Variants in CDR2L observed in about 807,000 individuals in gnomAD.
CDR2L encodes the protein cerebellar degeneration-related protein 2-like.
Under a neutral mutation model 36.1 loss-of-function variants are expected in CDR2L, and 19 were observed. The ratio of observed to expected loss-of-function variants is 0.53; its 90% confidence interval spans 0.37 to 0.77. The LOEUF is 0.77. CDR2L is among the 30% of genes least tolerant of loss of function. The pLI is 0.00. For missense variants in CDR2L, 575 were observed against 627.2 expected (o/e 0.92, Z 0.89); for synonymous variants, 285 against 280.4 (o/e 1.02, Z -0.16).
At position 75,003,852 on chromosome 17, in the gene CDR2L, C is replaced by G; in HGVS notation, c.1176C>G (p.Ile392Met). 1 of 1,584,696 alleles carries G rather than the reference C, an allele frequency of 6.3e-7. No homozygotes were observed. The highest frequency in any genetic ancestry group is 8.6e-7 in the Non-Finnish European group (1 of 1,166,498). Residue 392 changes from isoleucine (I) to methionine (M), a missense_variant, in exon 5 of 5, where the codon ATC becomes ATG. Transcript: ENST00000337231. ...RHAGVQTSRP[I>M]SRDSSWRDLR... The stretch of plus-strand genomic sequence containing the variant: ...CCGGCGTGCAGACCTCGCGCCCCAT[C>G]TCCCGGGACAGCTCGTGGAGGGACC...
intron 1 of CDR2L, among the ~76,000 whole-genome samples, chr17:74,999,288 G>GCGCACA (rs201460506): frequency 6.9e-6 from 1 of 144,874 alleles, no homozygotes; most frequent in Non-Finnish European, 1.5e-5. Flanking sequence ...ATTACATCTT[G>GCGCACA]CACACACACA....
chr17:75,004,199 C>G lies in CDR2L; in HGVS notation c.*125C>G, dbSNP rs946131259. ...CCACCACAGCACGCGGCCTCCTGAT[C>G]CGGAAGCACGCAGCATGTTCCCTGC... is the stretch of plus-strand genomic sequence containing the variant. On this transcript the variant is annotated 3_prime_UTR_variant, in exon 5 of 5. Coordinates refer to ENST00000337231, the MANE Select transcript of CDR2L (RefSeq NM_014603.3). 6.2e-6 allele frequency: 5 copies of G among 802,358 alleles called. No individual in the cohort carries two copies. Among genetic ancestry groups the G allele is most frequent in the African/African-American group, 3.5e-5 (2 of 57,212 alleles). 49.7% of individuals were successfully genotyped at this position (802,358 alleles called of 1,614,324 possible).
Position 75,004,075 on chromosome 17 carries a change from C to T in CDR2L, c.*1C>T, listed in dbSNP as rs768565934. 3 of 1,600,030 alleles carry T rather than the reference C, an allele frequency of 1.9e-6. No individual in the cohort carries two copies. The highest frequency in any genetic ancestry group is 2.2e-5 in the South Asian group (2 of 88,926). ...AGTCAAGACGCACAGCAGCAAGTGA[C>T]CCTTCTCCGGCCTGCAGCCTCCCCC... is the stretch of plus-strand genomic sequence containing the variant. On this transcript the variant is annotated 3_prime_UTR_variant, in exon 5 of 5. Transcript: ENST00000337231.
chr17:74,990,590 G>A (rs2039790594), intron 1 of CDR2L, among the ~76,000 whole-genome samples: 1 of 152,244 alleles, frequency 6.6e-6, no homozygotes, highest in African/African-American at 2.4e-5. Flanking sequence ...TGAGCTGGAG[G>A]CTCCCCAGGA....
intron 2 of CDR2L, 98 bp from the exon 3 acceptor site, chr17:75,001,243 G>GA: frequency 7.7e-7 from 1 of 1,302,172 alleles, no homozygotes. Context: ...CAAAAGAAAA[G>GA]AAAAGAAAAA....
At position 74,999,461 on chromosome 17, in the gene CDR2L, G is replaced by A. The variant is rs181270436; in HGVS notation, c.80-43G>A. The A allele has an allele frequency of 3.2e-4, 429 of 1,331,602 alleles. 1 individual carries two copies. The African/African-American group carries it at 4.6e-3, about 14-fold the overall frequency. The allele number at this position is 1,331,602 out of a possible 1,614,324, so 82.5% of individuals were successfully genotyped here. A position where few individuals can be genotyped will look rare whatever the true frequency, so the allele number is the denominator to read the frequency against. On this transcript the variant is annotated intron_variant, in intron 1 of 4. Coordinates refer to ENST00000337231, the MANE Select transcript of CDR2L (RefSeq NM_014603.3). ...GTAGATGCTCGGAACATGAATGGGCGTCCTCTGCCTTTGTTCTCATGCTCG... is the reference window on the plus strand; with the variant it reads ...GTAGATGCTCGGAACATGAATGGGCATCCTCTGCCTTTGTTCTCATGCTCG...
In CDR2L at chr17:74,999,325, C is replaced by CACACACACAAAA. The variant is rs368672422; in HGVS notation, c.80-178_80-177insCACACACAAAAA. On this transcript the variant is annotated intron_variant, in intron 1 of 4. Coordinates refer to ENST00000337231, the MANE Select transcript of CDR2L (RefSeq NM_014603.3). ...ACACACACACACACACAGACACACA[C>CACACACACAAAA]AAAAAGAACATTCCAGGCAGAAATA... is the stretch of plus-strand genomic sequence containing the variant. 4.4e-4 allele frequency among the ~76,000 whole-genome samples: 67 copies of CACACACACAAAA among 151,088 alleles called. 1 individual carries two copies. In the East Asian group the frequency reaches 4.6e-3, roughly 10 times the overall value.
chr17:75,001,499 C>A lies in CDR2L; in HGVS notation c.341+10C>A. The A allele has an allele frequency of 6.5e-7, 1 of 1,533,666 alleles. No homozygotes were observed. Among genetic ancestry groups the A allele is most frequent in the East Asian group, 2.4e-5 (1 of 41,522 alleles). ...AGCAGAAGATCCATGGGTGAGGGCC[C>A]GGCTGAGGGCTGGGGGGCGGGCGAG... is the stretch of plus-strand genomic sequence containing the variant. On this transcript the variant is annotated intron_variant, in intron 3 of 4. Transcript: ENST00000337231.
intron 2 of CDR2L, among the ~76,000 whole-genome samples, chr17:74,999,892 C>G (rs967241019): frequency 6.6e-6 from 1 of 152,048 alleles, no homozygotes; most frequent in East Asian, 1.9e-4. Context: ...ATCCTCCCAC[C>G]TCAGCGTCCT....
At position 74,989,934 on chromosome 17, in the gene CDR2L, C is replaced by T. The variant is rs1174648724; in HGVS notation, c.79+1812C>T. 6.6e-6 allele frequency among the ~76,000 whole-genome samples: 1 copy of T among 152,140 alleles called. No homozygotes were observed. The highest frequency in any genetic ancestry group is 2.4e-5 in the African/African-American group (1 of 41,430). ...GATTACAGGCGTGAGCCACCACGCC[C>T]GGCTGGTGGCACAGTATTATGGGCA... On this transcript the variant is annotated intron_variant, in intron 1 of 4. Coordinates refer to ENST00000337231, the MANE Select transcript of CDR2L (RefSeq NM_014603.3). This position sits in a 1 kb window ranked among gnomAD's most constrained non-coding sequence, Gnocchi z 4.2.
chr17:74,999,431 C>A, intron 1 of CDR2L, 73 bp from the exon 2 acceptor site: 1 of 1,037,606 alleles, frequency 9.6e-7, no homozygotes, highest in Non-Finnish European at 1.4e-6. Context: ...TTGGGGTCAC[C>A]TAGAGTAGAT....
rs5822063 is a variant in CDR2L, at chr17:75,004,427, CTTT to C, written c.*366_*368del. The C allele has an allele frequency of 0.058, 9,011 of 156,290 alleles. 618 individuals are homozygous for C. Among genetic ancestry groups the C allele is most frequent in the African/African-American group, 0.17 (6,984 of 40,214 alleles). The allele number at this position is 156,290 out of a possible 1,614,324, so 9.7% of individuals were successfully genotyped here. The stretch of plus-strand genomic sequence containing the variant: ...CTGAAAGCCATTCTGGATCAGTTGG[CTTT>C]TTTTTTTTTTTTGGTTAAGTTTGTT... On this transcript the variant is annotated 3_prime_UTR_variant, in exon 5 of 5. Transcript: ENST00000337231.
rs1359557050 is a variant in CDR2L at position 74,989,511 on chromosome 17, A to G, written c.79+1389A>G. 6.6e-6 allele frequency among the ~76,000 whole-genome samples: 1 copy of G among 151,552 alleles called. No individual in the cohort carries two copies. Among genetic ancestry groups the G allele is most frequent in the Non-Finnish European group, 1.5e-5 (1 of 67,944 alleles). ...GTAAATTTTTCCATGAACACCTATT[A>G]GGCTCCCCTTAAGTACCAGACACCA... On this transcript the variant is annotated intron_variant, in intron 1 of 4. Coordinates refer to ENST00000337231, the MANE Select transcript of CDR2L (RefSeq NM_014603.3). The surrounding 1 kb of genome is among the most constrained non-coding windows in gnomAD (Gnocchi z 4.2).
chr17:75,003,366 G>T lies in CDR2L; in HGVS notation c.690G>T (p.Leu230=). The T allele has an allele frequency of 6.4e-7, 1 of 1,559,236 alleles. No homozygotes were observed. The highest frequency in any genetic ancestry group is 8.7e-7 in the Non-Finnish European group (1 of 1,152,448). The part of the protein sequence containing the change: ...YTAVLQEYSE[L]ERQLCEMEAC... ...CGGTGCTGCAGGAGTACTCGGAGCTGGAGCGCCAGCTGTGCGAGATGGAGG... is the reference window on the plus strand; with the variant it reads ...CGGTGCTGCAGGAGTACTCGGAGCTTGAGCGCCAGCTGTGCGAGATGGAGG... Residue 230 remains leucine, a synonymous_variant, in exon 5 of 5, where the codon CTG becomes CTT. Coordinates refer to ENST00000337231, the MANE Select transcript of CDR2L (RefSeq NM_014603.3).
chr17:74,991,168 C>A (rs1254323565), intron 1 of CDR2L, among the ~76,000 whole-genome samples: 1 of 152,138 alleles, frequency 6.6e-6, no homozygotes, highest in Non-Finnish European at 1.5e-5. Context: ...TTTGGGAGGC[C>A]AAGGCGGGCG....
At chr17:74,997,059 TCTTTCTTTCTTTCTTTCTTTCTTTC>T (rs1567974275) in intron 1 of CDR2L, among the ~76,000 whole-genome samples, 7 of 11,810 alleles carry the variant, frequency 5.9e-4, no homozygotes, top group South Asian at 3.1e-3. Context: ...TTTCTTTCTT[TCTTTCTTTCTTTCTTTCTTTCTTTC>T]TTTTTTTTTT....
chr17:75,003,822 G>T lies in CDR2L; in HGVS notation c.1146G>T (p.Arg382=). ...GCCGGCAGCACGGGGCCGGAGTGCG[G>T]CACGCCGGCGTGCAGACCTCGCGCC... ...SKCRQHGAGV[R]HAGVQTSRPI... The change falls in exon 5 of 5, where the codon CGG becomes CGT. Residue 382 remains arginine, a synonymous_variant. Coordinates refer to ENST00000337231, the MANE Select transcript of CDR2L (RefSeq NM_014603.3). 1 of 1,555,524 alleles carries T rather than the reference G, an allele frequency of 6.4e-7. No individual in the cohort carries two copies. The highest frequency in any genetic ancestry group is 8.7e-7 in the Non-Finnish European group (1 of 1,150,310).
Position 75,003,386 on chromosome 17 carries a change from T to C in CDR2L, c.710T>C (p.Met237Thr), listed in dbSNP as rs2039880370. ...GAGCTGGAGCGCCAGCTGTGCGAGA[T>C]GGAGGCCTGTCGCCTGCGTGTGCAG... ...YSELERQLCE[M>T]EACRLRVQEL... The change falls in exon 5 of 5, where the codon ATG becomes ACG. Residue 237 changes from methionine (M) to threonine (T), a missense_variant. Coordinates refer to ENST00000337231, the MANE Select transcript of CDR2L (RefSeq NM_014603.3). 5 of 1,563,034 alleles carry C rather than the reference T, an allele frequency of 3.2e-6. No homozygotes were observed. The highest frequency in any genetic ancestry group is 4.3e-6 in the Non-Finnish European group (5 of 1,154,614).
At chr17:74,992,371 T>C (rs552154096) in intron 1 of CDR2L, among the ~76,000 whole-genome samples, 1 of 151,958 alleles carries the variant, frequency 6.6e-6, no homozygotes, top group African/African-American at 2.4e-5. Flanking sequence ...TTTTTTTTTC[T>C]TTTGACCTGC....
Sources: allele counts gnomAD v4.1 joint callset (sites outside exome capture counted in the v4.1 genomes callset), GRCh38; gene constraint gnomAD v4.1.1; non-coding constraint Gnocchi (gnomAD v3.1); transcripts MANE v1.5; gene names NCBI Gene and HGNC (gene_info 2026-07-23, HGNC 2026-07-21).